GABRB2: variants seen among roughly 807,000 people sequenced by gnomAD.
The protein encoded by GABRB2 is gamma-aminobutyric acid type A receptor subunit beta2.
A neutral mutation model predicts 54.7 loss-of-function variants in GABRB2; 16 were observed. The ratio of observed to expected loss-of-function variants is 0.29; its 90% CI spans 0.20 to 0.44. The LOEUF (loss-of-function observed/expected upper bound fraction) is 0.44, where lower values mean the gene tolerates loss of function less well. GABRB2 is among the 20% of genes least tolerant of loss of function. The pLI, the probability that GABRB2 is intolerant of heterozygous loss-of-function variation, is 1.00. For synonymous variants in GABRB2, 244 were observed against 233.8 expected (o/e 1.04, Z -0.40); for missense variants, 355 against 644.0 (o/e 0.55, Z 4.86).
intron 8 of GABRB2, among the ~76,000 whole-genome samples, chr5:161,328,980 AGAG>A (rs1753746618): frequency 6.6e-6 from 1 of 152,160 alleles, no homozygotes; most frequent in African/African-American, 2.4e-5. Context: ...CCTTCAACCA[AGAG>A]GATAGGCTTT....
intron 4 of GABRB2, among the ~76,000 whole-genome samples, chr5:161,458,483 C>G (rs1179212314): frequency 6.6e-6 from 1 of 152,136 alleles, no homozygotes; most frequent in Non-Finnish European, 1.5e-5. Context: ...ATAAACAAAA[C>G]AGCTGAATCT....
chr5:161,539,474 TG>T (rs1208202360), intron 3 of GABRB2, among the ~76,000 whole-genome samples: 2 of 152,364 alleles, frequency 1.3e-5, no homozygotes, highest in African/African-American at 4.8e-5. Flanking sequence ...CAAATTTTCC[TG>T]GAACTTCTTT....
chr5:161,465,744 T>TAC (rs1237510997), intron 3 of GABRB2, among the ~76,000 whole-genome samples: 1 of 152,140 alleles, frequency 6.6e-6, no homozygotes, highest in Non-Finnish European at 1.5e-5. Flanking sequence ...ACACAATACA[T>TAC]ACACACACAT....
intron 5 of GABRB2, among the ~76,000 whole-genome samples, chr5:161,368,617 C>T (rs1424801939): frequency 1.3e-5 from 2 of 152,132 alleles, no homozygotes; most frequent in Non-Finnish European, 2.9e-5. Context: ...TTCGAGATGT[C>T]GCATACTCTG....
chr5:161,328,749 G>T (rs1003312279), intron 8 of GABRB2, among the ~76,000 whole-genome samples: 3 of 152,000 alleles, frequency 2.0e-5, no homozygotes, highest in African/African-American at 7.2e-5. Flanking sequence ...AAGCTATCCT[G>T]CACACTGCCA....
intron 3 of GABRB2, among the ~76,000 whole-genome samples, chr5:161,488,917 GC>G (rs1014786424): frequency 2.0e-5 from 3 of 151,750 alleles, no homozygotes; most frequent in Non-Finnish European, 2.9e-5. Flanking sequence ...TGGTTATGTT[GC>G]AAAGATCATG....
intron 4 of GABRB2, among the ~76,000 whole-genome samples, chr5:161,453,700 T>C (rs935835463): frequency 3.9e-5 from 6 of 152,274 alleles, no homozygotes; most frequent in South Asian, 2.1e-4. Context: ...ACTTTCAATA[T>C]TCTTTGGTCA....
At chr5:161,462,143 T>C (rs1430000829) in intron 3 of GABRB2, among the ~76,000 whole-genome samples, 2 of 152,142 alleles carry the variant, frequency 1.3e-5, no homozygotes, top group African/African-American at 2.4e-5. Context: ...TTCTATCCTA[T>C]CAAAAGACAT....
chr5:161,308,478 A>G (rs1042055589), intron 9 of GABRB2, among the ~76,000 whole-genome samples: 2 of 152,238 alleles, frequency 1.3e-5, no homozygotes, highest in Non-Finnish European at 2.9e-5. Context: ...TATCATGGAT[A>G]TTCTTCTCAG....
chr5:161,386,596 A>G (rs1755646108), intron 5 of GABRB2, among the ~76,000 whole-genome samples: 1 of 152,012 alleles, frequency 6.6e-6, no homozygotes, highest in Admixed American at 6.6e-5. Flanking sequence ...CCCTAGCTGG[A>G]ATGCAGTGCC....
chr5:161,462,187 G>A (rs80021432), intron 3 of GABRB2, among the ~76,000 whole-genome samples: 9,442 of 152,086 alleles, frequency 0.062, 327 homozygotes, highest in Middle Eastern at 0.095. Flanking sequence ...AATAGTTGTC[G>A]GTGAAATTCG....
intron 4 of GABRB2, among the ~76,000 whole-genome samples, chr5:161,415,099 A>T (rs1272608980): frequency 2.0e-5 from 3 of 152,238 alleles, no homozygotes; most frequent in Admixed American, 2.0e-4. Context: ...TAAATAACTC[A>T]ACGCCACTAC....
intron 3 of GABRB2, among the ~76,000 whole-genome samples, chr5:161,526,527 C>G (rs1042911535): frequency 6.6e-6 from 1 of 151,204 alleles, no homozygotes; most frequent in African/African-American, 2.4e-5. Context: ...AGTTTAGACA[C>G]AGCATGTGCT....
intron 5 of GABRB2, among the ~76,000 whole-genome samples, chr5:161,345,323 TA>T (rs911614887): frequency 1.1e-4 from 17 of 151,804 alleles, no homozygotes; most frequent in African/African-American, 4.1e-4. Context: ...CAAAACAGAA[TA>T]AAAAAACAAA....
rs111986435 is a variant in GABRB2, at chr5:161,337,533, C to T, written c.542-764G>A. 9.2e-3 allele frequency among the ~76,000 whole-genome samples: 1,404 copies of T among 152,126 alleles called. 26 individuals carry two copies. Among genetic ancestry groups the T allele is most frequent in the South Asian group, 0.051 (244 of 4,818 alleles). ...CATTCCACAACTATTTATTAAACACCTACTATGCATATCAGGGCACAGTTG... is the reference window on the plus strand; with the variant it reads ...CATTCCACAACTATTTATTAAACACTTACTATGCATATCAGGGCACAGTTG... On this transcript the variant is annotated intron_variant, in intron 5 of 9. Transcript: ENST00000393959.
At chr5:161,418,849 A>G (rs1399001969) in intron 4 of GABRB2, among the ~76,000 whole-genome samples, 1 of 152,188 alleles carries the variant, frequency 6.6e-6, no homozygotes, top group East Asian at 1.9e-4. Context: ...ATTTCTGGCC[A>G]AGTGCTATGG....
chr5:161,399,747 G>C (rs1250126258), intron 5 of GABRB2, among the ~76,000 whole-genome samples: 1 of 152,070 alleles, frequency 6.6e-6, no homozygotes. Flanking sequence ...TTGCTAACAT[G>C]GGTGGCCTTA....
chr5:161,431,703 TTAAAG>T (rs1369224992), intron 4 of GABRB2, among the ~76,000 whole-genome samples: 2 of 152,184 alleles, frequency 1.3e-5, no homozygotes, highest in Non-Finnish European at 2.9e-5. Flanking sequence ...TGTTTGTTCT[TTAAAG>T]AAGAGATGCA....
At chr5:161,321,477 T>C (rs1286031075) in intron 9 of GABRB2, among the ~76,000 whole-genome samples, 1 of 152,122 alleles carries the variant, frequency 6.6e-6, no homozygotes, top group Non-Finnish European at 1.5e-5. Flanking sequence ...GCCAGTACAC[T>C]GGTCTTTCCT....
Sources: gnomAD v4.1 joint callset for allele counts (sites outside exome capture counted in the v4.1 genomes callset) on GRCh38, gnomAD v4.1.1 for gene constraint, MANE v1.5 for transcripts, NCBI Gene and HGNC (gene_info 2026-07-23, HGNC 2026-07-21) for gene names.